The following UTRN variants were observed in gnomAD, a reference collection of about 807,000 sequenced individuals.
The protein encoded by UTRN is utrophin.
In UTRN, 283 loss-of-function variants were observed where a neutral mutation model predicts 463.9. The ratio of observed to expected loss-of-function variants is 0.61; its 90% CI spans 0.55 to 0.67. The LOEUF (loss-of-function observed/expected upper bound fraction) is 0.67, where lower values mean the gene tolerates loss of function less well. Ranked by LOEUF, UTRN falls within the 30% of genes least tolerant of loss-of-function variation. UTRN has a pLI of 0.00. For missense variants in UTRN, 3,922 were observed against 4,084.3 expected (o/e 0.96, Z 1.08); for synonymous variants, 1,442 against 1,431.5 (o/e 1.01, Z -0.17).
At chr6:144,522,228 A>G in intron 40 of UTRN, 57 bp downstream of exon 40, 1 of 1,359,516 alleles carries the variant, frequency 7.4e-7, no homozygotes, top group Non-Finnish European at 9.6e-7. Flanking sequence ...GTAGAGGAAG[A>G]AATTTGTTCT....
chr6:144,580,376 A>G (rs1047931707), intron 51 of UTRN, among the ~76,000 whole-genome samples: 4 of 152,188 alleles, frequency 2.6e-5, no homozygotes, highest in African/African-American at 7.2e-5. Context: ...TCTTATGACA[A>G]CCAGATCCAA....
Position 144,438,761 on chromosome 6 carries a change from A to T in UTRN, c.1258A>T (p.Met420Leu). 1 of 1,614,192 alleles carries T rather than the reference A, an allele frequency of 6.2e-7. No homozygotes were observed. The highest frequency in any genetic ancestry group is 8.5e-7 in the Non-Finnish European group (1 of 1,180,036). ...CACGGACAGGCTGCACGATGTGCTG[A>T]TGGAACTGCAGAAGAAGCAACTGCA... ...DRQSRLHDVL[M>L]ELQKKQLQQL... Residue 420 changes from methionine (M) to leucine (L), a missense_variant, in exon 12 of 75, where the codon ATG (methionine) becomes TTG (leucine). This residue lies in a region of UTRN where 2,349 missense variants were observed against 2,303.8 expected (regional missense o/e 1.02). Coordinates refer to ENST00000367545, the MANE Select transcript of UTRN (RefSeq NM_007124.3).
At chr6:144,761,674 T>G (rs1452175363) in intron 58 of UTRN, among the ~76,000 whole-genome samples, 4 of 151,388 alleles carry the variant, frequency 2.6e-5, no homozygotes, top group Non-Finnish European at 5.9e-5. Flanking sequence ...TAATAATAAA[T>G]AAAGAGAGAG....
At chr6:144,688,651 T>C (rs1485760145) in intron 52 of UTRN, among the ~76,000 whole-genome samples, 2 of 152,138 alleles carry the variant, frequency 1.3e-5, no homozygotes, top group African/African-American at 4.8e-5. Flanking sequence ...CTGTATGAGT[T>C]CCTTGGTTAT....
At chr6:144,464,294 C>G (rs554826394) in intron 23 of UTRN, among the ~76,000 whole-genome samples, 57 of 152,196 alleles carry the variant, frequency 3.7e-4, no homozygotes, top group African/African-American at 1.3e-3. Flanking sequence ...TTCTTTGACT[C>G]AGGAACTAAT....
intron 65 of UTRN, among the ~76,000 whole-genome samples, chr6:144,805,116 A>G (rs946888007): frequency 6.6e-6 from 1 of 152,166 alleles, no homozygotes; most frequent in Non-Finnish European, 1.5e-5. Context: ...TGCAGCTTTT[A>G]TAGGCCAAGG....
intron 7 of UTRN, 138 bp from the exon 8 acceptor site, chr6:144,428,640 C>T: frequency 3.8e-6 from 2 of 529,252 alleles, no homozygotes; most frequent in East Asian, 3.1e-5. Context: ...ATTTGACAAG[C>T]CTTTGGGATA....
At chr6:144,497,926 A>G (rs942063685) in intron 33 of UTRN, among the ~76,000 whole-genome samples, 2 of 152,206 alleles carry the variant, frequency 1.3e-5, no homozygotes, top group Non-Finnish European at 2.9e-5. Context: ...AGGGCCCTCA[A>G]CCAAGTCTTA....
In UTRN at chr6:144,516,378, A is replaced by G; in HGVS notation, c.5394A>G (p.Glu1798=). ...AAAAACACTTGGAATCCAGTGATGA[A>G]GATGAAAAGGTTGGTTCAAGGAGAT... is the stretch of plus-strand genomic sequence containing the variant. The part of the protein sequence containing the change: ...FVEKHLESSD[E]DEKMDEESAQ... The change falls in exon 38 of 75, where the codon GAA becomes GAG. Residue 1798 remains glutamate, a synonymous_variant. Transcript: ENST00000367545. 4 of 1,612,818 alleles carry G rather than the reference A, an allele frequency of 2.5e-6. No individual in the cohort carries two copies. Among genetic ancestry groups the G allele is most frequent in the Non-Finnish European group, 3.4e-6 (4 of 1,179,676 alleles).
intron 2 of UTRN, among the ~76,000 whole-genome samples, chr6:144,342,447 A>G (rs1777214142): frequency 6.6e-6 from 1 of 152,220 alleles, no homozygotes; most frequent in Non-Finnish European, 1.5e-5. Context: ...TAGCAGAATT[A>G]TTGATATTAG....
At chr6:144,606,201 T>A (rs897043023) in intron 51 of UTRN, among the ~76,000 whole-genome samples, 2 of 152,224 alleles carry the variant, frequency 1.3e-5, no homozygotes, top group African/African-American at 4.8e-5. Context: ...AAACAACTGA[T>A]CTCTTTGTTA....
At chr6:144,452,738 C>A (rs986874137) in intron 18 of UTRN, among the ~76,000 whole-genome samples, 7 of 151,276 alleles carry the variant, frequency 4.6e-5, no homozygotes, top group Non-Finnish European at 7.4e-5. Context: ...AGTTTGAGAC[C>A]AGCCTGGGCA....
chr6:144,524,581 G>A (rs55815143), intron 41 of UTRN, among the ~76,000 whole-genome samples: 1,536 of 152,232 alleles, frequency 0.01, 10 homozygotes, highest in Non-Finnish European at 0.014. Context: ...AGTTCTAGGA[G>A]CTTTTTGGAT....
intron 2 of UTRN, among the ~76,000 whole-genome samples, chr6:144,382,913 G>A (rs1471970039): frequency 6.6e-6 from 1 of 152,028 alleles, no homozygotes; most frequent in East Asian, 1.9e-4. Context: ...CAGAGTTATA[G>A]GACATGTCAG....
intron 71 of UTRN, 175 bp downstream of exon 71, chr6:144,836,716 T>C (rs1351691080): frequency 2.0e-6 from 2 of 985,912 alleles, no homozygotes; most frequent in African/African-American, 1.6e-5. Context: ...TAAATCCTCA[T>C]TGGCACACAA....
rs142348774 is a variant in UTRN, at chr6:144,755,003, C to A, written c.8434+205C>A. On this transcript the variant is annotated intron_variant, in intron 57 of 74. Coordinates refer to ENST00000367545, the MANE Select transcript of UTRN (RefSeq NM_007124.3). The stretch of plus-strand genomic sequence containing the variant: ...CAACTGAGAAGTCTTCAAGGTGGAA[C>A]AGAAATGAACTCATCTTTAGCTATG... 2.0e-3 allele frequency among the ~76,000 whole-genome samples: 305 copies of A among 152,170 alleles called. 4 individuals carry two copies. The highest frequency in any genetic ancestry group is 8.0e-3 in the Admixed American group (122 of 15,264).
chr6:144,712,156 CCAGT>C (rs1352408386), intron 53 of UTRN, among the ~76,000 whole-genome samples: 1 of 152,182 alleles, frequency 6.6e-6, no homozygotes, highest in Non-Finnish European at 1.5e-5. Context: ...CCAACCTTTG[CCAGT>C]CTGTGTTGAC....
chr6:144,841,376 T>G (rs1111807), intron 73 of UTRN, among the ~76,000 whole-genome samples: 21,370 of 152,204 alleles, frequency 0.14, 1,766 homozygotes, highest in African/African-American at 0.22. Context: ...ACAATTTAAG[T>G]CATCATAGAT....
chr6:144,645,796 G>A (rs564554584), intron 51 of UTRN, among the ~76,000 whole-genome samples: 1 of 152,138 alleles, frequency 6.6e-6, no homozygotes, highest in Admixed American at 6.6e-5. Flanking sequence ...TCAAAGCATG[G>A]TTCTGACTCT....
Sources: allele counts gnomAD v4.1 joint callset (sites outside exome capture counted in the v4.1 genomes callset), GRCh38; gene constraint gnomAD v4.1.1; regional missense constraint gnomAD v4.1.1; transcripts MANE v1.5; gene names NCBI Gene and HGNC (gene_info 2026-07-23, HGNC 2026-07-21).